GPRC5B: variants seen among roughly 807,000 people sequenced by gnomAD.
GPRC5B encodes G protein-coupled receptor class C group 5 member B.
In GPRC5B, 16 loss-of-function variants were observed where a neutral mutation model predicts 30.1. The ratio of observed to expected loss-of-function variants is 0.53; its 90% confidence interval spans 0.36 to 0.81. The LOEUF (loss-of-function observed/expected upper bound fraction) is 0.81. GPRC5B is among the 30% of genes least tolerant of loss of function. GPRC5B has a pLI of 0.01. For synonymous variants in GPRC5B, 241 were observed against 239.5 expected (o/e 1.01, Z -0.06); for missense variants, 428 against 544.7 (o/e 0.79, Z 2.13).
chr16:19,880,455 AATAAAAT>A (rs1277715313), intron 1 of GPRC5B, among the ~76,000 whole-genome samples: 1 of 140,370 alleles, frequency 7.1e-6, no homozygotes. Context: ...AATAAAATAA[AATAAAAT>A]AAGAAAAGAA....
At chr16:19,873,789 T>A (rs2056741171) in intron 1 of GPRC5B, among the ~76,000 whole-genome samples, 1 of 152,074 alleles carries the variant, frequency 6.6e-6, no homozygotes, top group African/African-American at 2.4e-5. Context: ...TCCTTTTTTG[T>A]TTTTATTTGA....
chr16:19,884,742 C>A lies in GPRC5B; in HGVS notation c.-17G>T. The A allele has an allele frequency of 2.0e-6, 2 of 985,118 alleles. No homozygotes were observed. Among genetic ancestry groups the A allele is most frequent in the Non-Finnish European group, 2.4e-6 (2 of 829,786 alleles). 61.0% of individuals were successfully genotyped at this position (985,118 alleles called of 1,614,324 possible). ...TCGCACTTACCGACCCCCGCGGCCCCGCAGCGCCGACGCTCCAGCTGGCCT... is the reference window on the plus strand; with the variant it reads ...TCGCACTTACCGACCCCCGCGGCCCAGCAGCGCCGACGCTCCAGCTGGCCT... On this transcript the variant is annotated 5_prime_UTR_variant, in exon 1 of 4. Coordinates refer to ENST00000300571, the MANE Select transcript of GPRC5B (RefSeq NM_016235.3).
chr16:19,857,627 A>C lies in GPRC5B; in HGVS notation c.*2873T>G, dbSNP rs904533925. On this transcript the variant is annotated 3_prime_UTR_variant, in exon 4 of 4. Transcript: ENST00000300571. ...TCATCATTGCATCATTGGATTATAA[A>C]AGCCACAATGCTCCCTTTCAACTTG... 3 of 293,904 alleles carry C rather than the reference A, an allele frequency of 1.0e-5. No homozygotes were observed. The Admixed American group carries it at 1.5e-4, about 15-fold the overall frequency. 18.2% of individuals were successfully genotyped at this position (293,904 alleles called of 1,614,324 possible).
Position 19,871,806 on chromosome 16 carries a change from C to A in GPRC5B, c.1030+10G>T. On this transcript the variant is annotated intron_variant, in intron 2 of 3. Coordinates refer to ENST00000300571, the MANE Select transcript of GPRC5B (RefSeq NM_016235.3). ...CCCGGCCTGACCCAGCCGGGTGGTGCCCACTTTACCTGCATTGTGTTCATC... is the reference window on the plus strand; with the variant it reads ...CCCGGCCTGACCCAGCCGGGTGGTGACCACTTTACCTGCATTGTGTTCATC... The A allele has an allele frequency of 1.2e-6, 2 of 1,607,532 alleles. No homozygotes were observed. Among genetic ancestry groups the A allele is most frequent in the Non-Finnish European group, 1.7e-6 (2 of 1,174,890 alleles).
intron 1 of GPRC5B, among the ~76,000 whole-genome samples, chr16:19,881,915 C>T (rs1448729183): frequency 6.6e-6 from 1 of 152,222 alleles, no homozygotes; most frequent in Non-Finnish European, 1.5e-5. Context: ...AGCTCCTGAC[C>T]TCAAGGCGTT....
intron 1 of GPRC5B, 57 bp downstream of exon 1, chr16:19,884,670 A>G (rs918560822): frequency 7.1e-6 from 7 of 982,728 alleles, no homozygotes; most frequent in Non-Finnish European, 8.5e-6. Context: ...CCACGGCGGG[A>G]AAAGTTTCTG....
chr16:19,870,061 C>T (rs189633094), intron 2 of GPRC5B, among the ~76,000 whole-genome samples: 12 of 152,130 alleles, frequency 7.9e-5, no homozygotes, highest in Admixed American at 4.6e-4. Flanking sequence ...GGCAACAGAG[C>T]GAGACTCAAT....
intron 1 of GPRC5B, among the ~76,000 whole-genome samples, chr16:19,876,567 T>A (rs888930264): frequency 1.3e-5 from 2 of 152,166 alleles, no homozygotes; most frequent in Admixed American, 1.3e-4. Context: ...TGGCTGCAAA[T>A]TGGGACTTTT....
chr16:19,860,491 T>A lies in GPRC5B; in HGVS notation c.*9A>T. On this transcript the variant is annotated 3_prime_UTR_variant, in exon 4 of 4. Transcript: ENST00000300571. Reference sequence around the variant, plus strand: ...AGAGAAATTCTGATTCTCTGGAACTTAAAGTCTTTCACCAAAGGTGTCTTC... The same window carrying A: ...AGAGAAATTCTGATTCTCTGGAACTAAAAGTCTTTCACCAAAGGTGTCTTC... 6.4e-7 allele frequency: 1 copy of A among 1,560,854 alleles called. No homozygotes were observed.
chr16:19,881,344 A>T (rs2056805488), intron 1 of GPRC5B, among the ~76,000 whole-genome samples: 1 of 151,284 alleles, frequency 6.6e-6, no homozygotes, highest in Non-Finnish European at 1.5e-5. Flanking sequence ...GAGGCAGGAG[A>T]TTGCTTGAGG....
Position 19,872,874 on chromosome 16 carries a change from G to C in GPRC5B, c.-1-28C>G, listed in dbSNP as rs187928290. 1.9e-6 allele frequency: 3 copies of C among 1,545,576 alleles called. No individual in the cohort carries two copies. The South Asian group carries it at 3.4e-5, about 17-fold the overall frequency. ...AGAAAAGCCAAGAGGGGAATGGTTG[G>C]GGGGAAGGAAAGATGAATTCATTGG... is the stretch of plus-strand genomic sequence containing the variant. On this transcript the variant is annotated intron_variant, in intron 1 of 3. Coordinates refer to ENST00000300571, the MANE Select transcript of GPRC5B (RefSeq NM_016235.3). This position sits in a 1 kb window ranked among gnomAD's most constrained non-coding sequence, Gnocchi z 5.0.
intron 1 of GPRC5B, among the ~76,000 whole-genome samples, chr16:19,876,927 A>T (rs2056763716): frequency 6.6e-6 from 1 of 152,230 alleles, no homozygotes; most frequent in East Asian, 1.9e-4. Flanking sequence ...CTGGCCAATC[A>T]GAGCATTTAT....
At chr16:19,885,154 C>T (rs1433504280), upstream of GPRC5B, 4 of 1,238,206 alleles carry the variant, frequency 3.2e-6, no homozygotes, top group Admixed American at 6.9e-5. This position sits in a 1 kb window ranked among gnomAD's most constrained non-coding sequence, Gnocchi z 5.3. Context: ...CGGGCAACTC[C>T]CCAGGGTAGA....
At chr16:19,862,640 A>C (rs985080933) in intron 2 of GPRC5B, among the ~76,000 whole-genome samples, 1 of 152,192 alleles carries the variant, frequency 6.6e-6, no homozygotes, top group African/African-American at 2.4e-5. Flanking sequence ...AGCCGGGCGC[A>C]GTGGCTCAAG....
intron 1 of GPRC5B, among the ~76,000 whole-genome samples, chr16:19,880,573 G>A (rs2056799724): frequency 6.6e-6 from 1 of 152,166 alleles, no homozygotes; most frequent in Non-Finnish European, 1.5e-5. Context: ...TGGTGTGAAG[G>A]GGAGACCCTC....
At chr16:19,863,850 G>A (rs1163190042) in intron 2 of GPRC5B, among the ~76,000 whole-genome samples, 1 of 152,072 alleles carries the variant, frequency 6.6e-6, no homozygotes, top group Non-Finnish European at 1.5e-5. Context: ...TTGTGGATGT[G>A]AGGGATCTAG....
rs1783130078 is a variant in GPRC5B at position 19,872,882 on chromosome 16, G to C, written c.-1-36C>G. ...CAAGAGGGGAATGGTTGGGGGGAAG[G>C]AAAGATGAATTCATTGGAAGACTCC... On this transcript the variant is annotated intron_variant, in intron 1 of 3. Coordinates refer to ENST00000300571, the MANE Select transcript of GPRC5B (RefSeq NM_016235.3). The surrounding 1 kb of genome is among the most constrained non-coding windows in gnomAD (Gnocchi z 5.0). 6.7e-7 allele frequency: 1 copy of C among 1,497,880 alleles called. No individual in the cohort carries two copies. The highest frequency in any genetic ancestry group is 1.4e-5 in the African/African-American group (1 of 72,658). The allele number at this position is 1,497,880 out of a possible 1,614,324, so 92.8% of individuals were successfully genotyped here.
intron 1 of GPRC5B, among the ~76,000 whole-genome samples, chr16:19,879,611 C>G (rs1329114086): frequency 1.3e-5 from 2 of 152,084 alleles, no homozygotes; most frequent in African/African-American, 4.8e-5. Context: ...GAGGCTACAC[C>G]AAGGCCATAC....
intron 1 of GPRC5B, among the ~76,000 whole-genome samples, chr16:19,884,486 C>A (rs1221616295): frequency 6.0e-5 from 9 of 151,090 alleles, no homozygotes; most frequent in Non-Finnish European, 7.4e-5. Flanking sequence ...TCCCTCCCCC[C>A]GTAAAGGTCC....
Sources: gnomAD v4.1 joint callset for allele counts (sites outside exome capture counted in the v4.1 genomes callset) on GRCh38, gnomAD v4.1.1 for gene constraint, Gnocchi (gnomAD v3.1) non-coding constraint, MANE v1.5 for transcripts, NCBI Gene and HGNC (gene_info 2026-07-23, HGNC 2026-07-21) for gene names.